Variants in ULK4 observed in about 807,000 individuals in gnomAD.
ULK4 encodes inactive serine/threonine-protein kinase ULK4.
ULK4 carries 133 observed loss-of-function variants against 160.6 expected under a neutral mutation model. That is an observed-to-expected ratio of 0.83 (90% CI 0.72 to 0.96). ULK4 has a LOEUF of 0.96. ULK4 is among the 40% of genes least tolerant of loss of function. ULK4 has a pLI of 0.00. For missense variants in ULK4, 1,580 were observed against 1,499.5 expected, an observed-to-expected ratio of 1.05 and a Z score of -0.89; for synonymous variants, 534 against 539.8, an observed-to-expected ratio of 0.99 and a Z score of 0.15.
intron 25 of ULK4, among the ~76,000 whole-genome samples, chr3:41,711,063 G>A (rs767285044): frequency 2.6e-5 from 4 of 152,186 alleles, no homozygotes; most frequent in African/African-American, 7.2e-5. Context: ...AGACAGACAA[G>A]CTCTTGGGGA....
intron 27 of ULK4, among the ~76,000 whole-genome samples, chr3:41,687,016 G>A (rs1217758961): frequency 2.0e-5 from 3 of 152,036 alleles, no homozygotes; most frequent in African/African-American, 4.8e-5. Context: ...CCAGGAATTC[G>A]AGGTTACAGT....
chr3:41,724,498 G>A (rs1007492677), intron 22 of ULK4, among the ~76,000 whole-genome samples: 2 of 152,244 alleles, frequency 1.3e-5, no homozygotes, highest in South Asian at 4.2e-4. Context: ...GCCGAGGCGG[G>A]TGGATCATGA....
chr3:41,599,140 G>T (rs1437163352), intron 31 of ULK4, among the ~76,000 whole-genome samples: 1 of 152,194 alleles, frequency 6.6e-6, no homozygotes, highest in Non-Finnish European at 1.5e-5. Flanking sequence ...CCTTGTGACT[G>T]CATTGGGCCG....
At chr3:41,797,450 C>T (rs2040336171) in intron 20 of ULK4, among the ~76,000 whole-genome samples, 1 of 152,032 alleles carries the variant, frequency 6.6e-6, no homozygotes, top group Non-Finnish European at 1.5e-5. Flanking sequence ...ACAGACAGAC[C>T]CAGGTTAAGC....
chr3:41,470,304 A>C (rs2083955742), intron 32 of ULK4, among the ~76,000 whole-genome samples: 1 of 152,210 alleles, frequency 6.6e-6, no homozygotes, highest in Non-Finnish European at 1.5e-5. Flanking sequence ...CCTGCAGGGC[A>C]AGAGAGAGTG....
At chr3:41,661,510 TGATAGATAGATA>T (rs1553629446) in intron 30 of ULK4, among the ~76,000 whole-genome samples, 3 of 119,188 alleles carry the variant, frequency 2.5e-5, no homozygotes, top group Non-Finnish European at 3.2e-5. Flanking sequence ...GATAGATAGA[TGATAGATAGATA>T]GATAGATAAA....
chr3:41,788,741 A>G (rs1324854057), intron 21 of ULK4, among the ~76,000 whole-genome samples: 3 of 152,098 alleles, frequency 2.0e-5, no homozygotes, highest in Admixed American at 1.3e-4. Context: ...ATAATGCTGC[A>G]TACTACTTTC....
At chr3:41,672,286 A>G (rs1489197289) in intron 29 of ULK4, among the ~76,000 whole-genome samples, 4 of 152,208 alleles carry the variant, frequency 2.6e-5, no homozygotes, top group Admixed American at 6.5e-5. Flanking sequence ...TTGCAGTGCT[A>G]TTCACAATAG....
intron 35 of ULK4, among the ~76,000 whole-genome samples, chr3:41,338,718 C>CAT (rs537700316): frequency 3.4e-4 from 51 of 151,718 alleles, no homozygotes; most frequent in Non-Finnish European, 6.8e-4. Context: ...ATAATGTGCA[C>CAT]ATATATATGT....
chr3:41,780,975 T>C (rs887715678), intron 21 of ULK4, among the ~76,000 whole-genome samples: 1 of 151,330 alleles, frequency 6.6e-6, no homozygotes, highest in Non-Finnish European at 1.5e-5. Context: ...TAAGCAGAGA[T>C]ATAAAGAAAG....
Position 41,943,918 on chromosome 3 carries a change from A to G in ULK4, c.139-5721T>C, listed in dbSNP as rs575400501. On this transcript the variant is annotated intron_variant, in intron 2 of 36. Transcript: ENST00000301831. ...CAAACATGCTGAAATTATTATCCTTATGGAAAAGCTGCTAGCTGCTTACCT... is the reference window on the plus strand; with the variant it reads ...CAAACATGCTGAAATTATTATCCTTGTGGAAAAGCTGCTAGCTGCTTACCT... Among the ~76,000 whole-genome samples the G allele has an allele frequency of 5.9e-5, 9 of 152,284 alleles. No homozygotes were observed. In the South Asian group the frequency reaches 1.9e-3, roughly 32 times the overall value.
chr3:41,362,203 G>C (rs2081160065), intron 35 of ULK4, among the ~76,000 whole-genome samples: 1 of 152,118 alleles, frequency 6.6e-6, no homozygotes, highest in Non-Finnish European at 1.5e-5. Flanking sequence ...GTGGCTTAAA[G>C]ACACAAAAAA....
chr3:41,349,271 C>A (rs1358885602), intron 35 of ULK4, among the ~76,000 whole-genome samples: 3 of 152,196 alleles, frequency 2.0e-5, no homozygotes, highest in African/African-American at 7.2e-5. Context: ...CATATAACTC[C>A]TGGAAGGCAG....
intron 30 of ULK4, among the ~76,000 whole-genome samples, chr3:41,655,686 AAC>A (rs2034913758): frequency 6.6e-6 from 1 of 152,176 alleles, no homozygotes; most frequent in African/African-American, 2.4e-5. Flanking sequence ...TAGCCTGGGC[AAC>A]ATTTGAATGA....
At chr3:41,611,791 AG>A (rs1368217304) in intron 31 of ULK4, among the ~76,000 whole-genome samples, 1 of 152,192 alleles carries the variant, frequency 6.6e-6, no homozygotes, top group Non-Finnish European at 1.5e-5. Context: ...CTGATTTTAA[AG>A]AGCATAAATT....
At chr3:41,562,121 G>A (rs4973969) in intron 32 of ULK4, among the ~76,000 whole-genome samples, 4 of 151,900 alleles carry the variant, frequency 2.6e-5, no homozygotes, top group Non-Finnish European at 5.9e-5. Context: ...CTTATTTACC[G>A]AGTAGTCACT....
At chr3:41,481,456 G>C (rs145138989) in intron 32 of ULK4, among the ~76,000 whole-genome samples, 28 of 152,274 alleles carry the variant, frequency 1.8e-4, no homozygotes, top group African/African-American at 6.7e-4. Flanking sequence ...GATATTTACA[G>C]TTAAAGGAAC....
intron 30 of ULK4, among the ~76,000 whole-genome samples, chr3:41,649,214 A>C (rs2034635773): frequency 6.6e-6 from 1 of 152,074 alleles, no homozygotes; most frequent in South Asian, 2.1e-4. Context: ...CGCAGACAGA[A>C]TAGGTATGGC....
chr3:41,380,193 A>C (rs191603312), intron 35 of ULK4, among the ~76,000 whole-genome samples: 8 of 152,308 alleles, frequency 5.3e-5, no homozygotes, highest in Non-Finnish European at 1.0e-4. Flanking sequence ...AAGGGTGAAG[A>C]CAAGACAATT....
Sources: allele counts gnomAD v4.1 joint callset (sites outside exome capture counted in the v4.1 genomes callset), GRCh38; gene constraint gnomAD v4.1.1; transcripts MANE v1.5; gene names NCBI Gene and HGNC (gene_info 2026-07-23, HGNC 2026-07-21).